The following MDM2 variants were observed in gnomAD, a reference collection of about 807,000 sequenced individuals.
MDM2 encodes E3 ubiquitin-protein ligase Mdm2.
In MDM2, 11 loss-of-function variants were observed where a neutral mutation model predicts 64.3. The observed-to-expected ratio is 0.17, with a 90% CI of 0.11 to 0.28. MDM2 has a LOEUF of 0.28. MDM2 is among the 10% of genes least tolerant of loss of function. MDM2 has a pLI of 1.00. For missense variants in MDM2, 388 were observed against 577.1 expected (o/e 0.67, Z 3.36); for synonymous variants, 194 against 192.9 (o/e 1.01, Z -0.05).
intron 5 of MDM2, among the ~76,000 whole-genome samples, chr12:68,821,044 C>CTTTTTT (rs36054804): frequency 1.9e-5 from 2 of 103,816 alleles, no homozygotes; most frequent in African/African-American, 3.8e-5. Context: ...ACACAGTTTG[C>CTTTTTT]TTTTTTTTTT....
chr12:68,815,695 G>A (rs1447652328), intron 3 of MDM2: 4 of 399,532 alleles, frequency 1.0e-5, no homozygotes, highest in South Asian at 3.5e-5. Context: ...TGCTTACCTC[G>A]GCCTCCTAAA....
intron 1 of MDM2, 24 bp downstream of exon 1, chr12:68,808,515 C>A (rs897296143): frequency 6.2e-7 from 1 of 1,613,976 alleles, no homozygotes; most frequent in Non-Finnish European, 8.5e-7. Context: ...AGCGAGCGGT[C>A]ACTTTTGGGT....
intron 1 of MDM2, among the ~76,000 whole-genome samples, chr12:68,808,796 C>T (rs1782853802): frequency 6.6e-6 from 1 of 151,962 alleles, no homozygotes; most frequent in East Asian, 1.9e-4. Flanking sequence ...GCTGCGGGGC[C>T]GCTTCGGCGC....
intron 8 of MDM2, among the ~76,000 whole-genome samples, chr12:68,832,836 T>C (rs1882906554): frequency 6.6e-6 from 1 of 151,818 alleles, no homozygotes; most frequent in Non-Finnish European, 1.5e-5. Flanking sequence ...TTTAAATATA[T>C]AGTATTTAGG....
At chr12:68,813,696 C>T in intron 3 of MDM2, 68 bp downstream of exon 3, 1 of 1,148,128 alleles carries the variant, frequency 8.7e-7, no homozygotes, top group Admixed American at 2.1e-5. Flanking sequence ...GTTTTCAAGA[C>T]CATGTGGAGA....
chr12:68,816,754 G>A (rs1269680126), intron 3 of MDM2, 58 bp from the exon 4 acceptor site: 1 of 1,396,058 alleles, frequency 7.2e-7, no homozygotes, highest in Non-Finnish European at 9.8e-7. Context: ...ATTATTAAAT[G>A]TATTTACAAC....
intron 3 of MDM2, among the ~76,000 whole-genome samples, chr12:68,816,533 T>C (rs1165356016): frequency 6.6e-6 from 1 of 152,020 alleles, no homozygotes. Flanking sequence ...CCACCATGCC[T>C]GGCTAACTTT....
At chr12:68,817,199 C>T (rs549137166) in intron 4 of MDM2, among the ~76,000 whole-genome samples, 1 of 152,258 alleles carries the variant, frequency 6.6e-6, no homozygotes, top group African/African-American at 2.4e-5. Context: ...CCTGCTTCCC[C>T]ATTTATAAAA....
At position 68,842,917 on chromosome 12, in the gene MDM2, G is replaced by T. The variant is rs1373413472; in HGVS notation, c.*3068G>T. Reference sequence around the variant, plus strand: ...TCTCTTTTAATTGTTCTGACAGATAGTTGGGGATGAGAGCCGAATAAGGTT... The same window carrying T: ...TCTCTTTTAATTGTTCTGACAGATATTTGGGGATGAGAGCCGAATAAGGTT... On this transcript the variant is annotated 3_prime_UTR_variant, in exon 11 of 11. Coordinates refer to ENST00000258149, the MANE Select transcript of MDM2 (RefSeq NM_002392.6). 9.6e-6 allele frequency: 2 copies of T among 209,072 alleles called. No individual in the cohort carries two copies. Among genetic ancestry groups the T allele is most frequent in the Non-Finnish European group, 1.9e-5 (2 of 102,786 alleles). The allele number at this position is 209,072 out of a possible 1,614,324, so 13.0% of individuals were successfully genotyped here.
chr12:68,811,128 G>C (rs1478011870), intron 2 of MDM2, among the ~76,000 whole-genome samples: 1 of 152,150 alleles, frequency 6.6e-6, no homozygotes, highest in Non-Finnish European at 1.5e-5. Context: ...GCCTCCCAAA[G>C]TGCTGGGATT....
At position 68,845,162 on chromosome 12, in the gene MDM2, G is replaced by A. The variant is rs184278637; in HGVS notation, c.*5313G>A. 65 of 223,570 alleles carry A rather than the reference G, an allele frequency of 2.9e-4. No homozygotes were observed. Among genetic ancestry groups the A allele is most frequent in the South Asian group, 5.5e-4 (3 of 5,450 alleles). The allele number at this position is 223,570 out of a possible 1,614,324, so 13.8% of individuals were successfully genotyped here. A position where few individuals can be genotyped will look rare whatever the true frequency, so the allele number is the denominator to read the frequency against. On this transcript the variant is annotated 3_prime_UTR_variant, in exon 11 of 11. Transcript: ENST00000258149. ...GGCATTGTGAAAAGTTTTTAGTTGC[G>A]CTTTATGGGTGGATGCTGAATTACA...
At chr12:68,832,377 G>C (rs1882863877) in intron 8 of MDM2, among the ~76,000 whole-genome samples, 1 of 152,078 alleles carries the variant, frequency 6.6e-6, no homozygotes, top group Non-Finnish European at 1.5e-5. Context: ...TTTTAGCTAA[G>C]ACTGGGGTTT....
chr12:68,832,754 T>C (rs1338033002), intron 8 of MDM2, among the ~76,000 whole-genome samples: 6 of 151,900 alleles, frequency 3.9e-5, no homozygotes. Context: ...GCTGGGCTTA[T>C]GTGATTCTCC....
chr12:68,816,997 G>A (rs1208044401), intron 4 of MDM2, 52 bp downstream of exon 4: 2 of 1,590,684 alleles, frequency 1.3e-6, no homozygotes, highest in Admixed American at 1.8e-5. Flanking sequence ...TAACATTTCA[G>A]TTCACCTCTA....
At chr12:68,832,190 T>A (rs1205134847) in intron 8 of MDM2, among the ~76,000 whole-genome samples, 1 of 152,182 alleles carries the variant, frequency 6.6e-6, no homozygotes, top group African/African-American at 2.4e-5. Flanking sequence ...GTTGTAGTCA[T>A]CATTGGGTGT....
At chr12:68,837,809 G>C (rs1883430889) in intron 10 of MDM2, among the ~76,000 whole-genome samples, 1 of 151,672 alleles carries the variant, frequency 6.6e-6, no homozygotes, top group South Asian at 2.1e-4. Flanking sequence ...TTTAGTTTTT[G>C]TTCTTAATAT....
downstream of MDM2, chr12:68,847,452 C>CTTTCTTTTTTTT (rs1555190285): frequency 1.1e-5 from 1 of 88,722 alleles, no homozygotes; most frequent in African/African-American, 5.6e-5. Flanking sequence ...TATCTCCTTT[C>CTTTCTTTTTTTT]TTTTTTTTTT....
chr12:68,824,560 T>C lies in MDM2; in HGVS notation c.432T>C (p.Leu144=). The change falls in exon 7 of 11, where the codon CTT becomes CTC. Residue 144 remains leucine, a synonymous_variant. Coordinates refer to ENST00000258149, the MANE Select transcript of MDM2 (RefSeq NM_002392.6). ...TTTTTTTCCTAAATGCTTAGGACCT[T>C]GTACAAGAGCTTCAGGAAGAGAAAC... ...HLEGGSDQKD[L]VQELQEEKPS... is the part of the protein sequence containing the mutation. 1 of 1,613,186 alleles carries C rather than the reference T, an allele frequency of 6.2e-7. No homozygotes were observed. The highest frequency in any genetic ancestry group is 1.3e-5 in the African/African-American group (1 of 75,008).
At chr12:68,813,992 A>G (rs1440615210) in intron 3 of MDM2, among the ~76,000 whole-genome samples, 1 of 152,264 alleles carries the variant, frequency 6.6e-6, no homozygotes, top group African/African-American at 2.4e-5. Context: ...AGTTTGTGAT[A>G]TGTGTGCTTT....
Sources: allele counts gnomAD v4.1 joint callset (sites outside exome capture counted in the v4.1 genomes callset), GRCh38; gene constraint gnomAD v4.1.1; transcripts MANE v1.5; gene names NCBI Gene and HGNC (gene_info 2026-07-23, HGNC 2026-07-21).